ASCC3: variants seen among roughly 807,000 people sequenced by gnomAD.
ASCC3 encodes ASC-1 complex subunit P200.
ASCC3 carries 158 observed loss-of-function variants against 256.3 expected under a neutral mutation model. That is an observed-to-expected ratio of 0.62 (90% CI 0.54 to 0.70). ASCC3 has a LOEUF of 0.70. ASCC3 is among the 30% of genes least tolerant of loss of function. ASCC3 has a pLI of 0.00. For missense variants in ASCC3, 2,259 were observed against 2,626.0 expected (o/e 0.86, Z 3.05); for synonymous variants, 948 against 883.4 (o/e 1.07, Z -1.30).
At chr6:100,571,522 T>C (rs1770592506) in intron 36 of ASCC3, among the ~76,000 whole-genome samples, 1 of 152,232 alleles carries the variant, frequency 6.6e-6, no homozygotes, top group African/African-American at 2.4e-5. Context: ...CCTCCATGGC[T>C]GGAATATAAT....
At chr6:100,614,467 G>C (rs370882619) in intron 30 of ASCC3, among the ~76,000 whole-genome samples, 1 of 152,084 alleles carries the variant, frequency 6.6e-6, no homozygotes. Context: ...TATCTTAAAC[G>C]TATTAACACA....
intron 36 of ASCC3, among the ~76,000 whole-genome samples, chr6:100,543,325 T>A (rs139670420): frequency 1.3e-4 from 20 of 152,286 alleles, no homozygotes; most frequent in African/African-American, 2.4e-4. Context: ...GCCATTTTTT[T>A]ATGAATATTT....
intron 4 of ASCC3, among the ~76,000 whole-genome samples, chr6:100,812,762 T>A (rs1057318530): frequency 3.3e-5 from 5 of 152,002 alleles, no homozygotes; most frequent in Non-Finnish European, 5.9e-5. Flanking sequence ...AGACTCCGTC[T>A]CTCCAAAAAA....
intron 4 of ASCC3, among the ~76,000 whole-genome samples, chr6:100,806,841 G>A (rs546967141): frequency 1.1e-4 from 17 of 151,724 alleles, no homozygotes; most frequent in Non-Finnish European, 1.9e-4. Context: ...TAATTCTATT[G>A]GCCAGTACTT....
intron 21 of ASCC3, 59 bp from the exon 22 acceptor site, chr6:100,646,828 T>C: frequency 6.5e-7 from 1 of 1,533,600 alleles, no homozygotes; most frequent in Non-Finnish European, 9.0e-7. Flanking sequence ...CAATATAATC[T>C]GACTTGTAAA....
chr6:100,581,287 G>C (rs894821879), intron 36 of ASCC3, among the ~76,000 whole-genome samples: 2 of 152,142 alleles, frequency 1.3e-5, no homozygotes, highest in African/African-American at 4.8e-5. Context: ...ACTGGTGTGA[G>C]ATGGTATCTC....
intron 14 of ASCC3, among the ~76,000 whole-genome samples, chr6:100,671,380 T>C (rs562171632): frequency 3.3e-5 from 5 of 152,188 alleles, no homozygotes; most frequent in Non-Finnish European, 5.9e-5. Context: ...AGAGATATAC[T>C]TTATCTTGTT....
In ASCC3 at chr6:100,540,246, G is replaced by A. The variant is rs1453159825; in HGVS notation, c.5692C>T (p.His1898Tyr). The change falls in exon 37 of 42, where the codon CAT becomes TAT. Residue 1898 changes from histidine (H) to tyrosine (Y), a missense_variant. His to Tyr is a moderately conservative substitution (Grantham distance 83). Coordinates refer to ENST00000369162, the MANE Select transcript of ASCC3 (RefSeq NM_006828.4). The stretch of plus-strand genomic sequence containing the variant: ...CAGGGTAGCATGGCTCGGCTGAGAT[G>A]TGCCTGTAGCAGGAGATGTGCTTTG... ...HTKAHLLLQAHLSRAMLPCPD... is the reference protein window; with the variant it reads ...HTKAHLLLQAYLSRAMLPCPD... 1.2e-6 allele frequency: 2 copies of A among 1,614,126 alleles called. No individual in the cohort carries two copies. The highest frequency in any genetic ancestry group is 1.3e-5 in the African/African-American group (1 of 75,026).
At chr6:100,714,145 C>T (rs941242263) in intron 13 of ASCC3, among the ~76,000 whole-genome samples, 1 of 152,134 alleles carries the variant, frequency 6.6e-6, no homozygotes, top group Non-Finnish European at 1.5e-5. Context: ...TCCATAGCCG[C>T]TTTCATGCTA....
intron 4 of ASCC3, among the ~76,000 whole-genome samples, chr6:100,807,435 C>G (rs565289774): frequency 6.6e-6 from 1 of 151,742 alleles, no homozygotes; most frequent in Non-Finnish European, 1.5e-5. Context: ...AATTATCCAT[C>G]AACAAAGTAT....
intron 5 of ASCC3, among the ~76,000 whole-genome samples, chr6:100,800,857 A>C (rs1445286581): frequency 6.6e-6 from 1 of 151,454 alleles, no homozygotes; most frequent in East Asian, 1.9e-4. Flanking sequence ...ATTATCGATA[A>C]TAATTAGCAT....
At chr6:100,860,800 T>C (rs1330440345) in intron 3 of ASCC3, among the ~76,000 whole-genome samples, 1 of 152,086 alleles carries the variant, frequency 6.6e-6, no homozygotes, top group Non-Finnish European at 1.5e-5. Flanking sequence ...GTACGCACTA[T>C]TCAGGAAATT....
rs1054679154 is a variant in ASCC3, at chr6:100,692,937, G to C, written c.2152-13185C>G. On this transcript the variant is annotated intron_variant, in intron 13 of 41. Transcript: ENST00000369162. ...TATAAAATAAAATTATTAGGGACCTGATCAGAAGATGTTAAAAATATGATT... is the reference window on the plus strand; with the variant it reads ...TATAAAATAAAATTATTAGGGACCTCATCAGAAGATGTTAAAAATATGATT... Among the ~76,000 whole-genome samples the C allele has an allele frequency of 9.9e-5, 15 of 151,940 alleles. No homozygotes were observed. In the South Asian group the frequency reaches 2.7e-3, roughly 27 times the overall value.
intron 33 of ASCC3, 58 bp from the exon 34 acceptor site, chr6:100,601,993 A>G: frequency 6.4e-7 from 1 of 1,572,322 alleles, no homozygotes; most frequent in South Asian, 1.1e-5. Flanking sequence ...AAACACTGAA[A>G]TTTATCTCAC....
intron 10 of ASCC3, among the ~76,000 whole-genome samples, chr6:100,753,210 T>C (rs1276504670): frequency 3.3e-5 from 5 of 151,976 alleles, no homozygotes; most frequent in Non-Finnish European, 7.4e-5. Context: ...TTCATGTAAA[T>C]TGAAATTAGA....
rs767176527 is a variant in ASCC3, at chr6:100,652,860, T to C, written c.2853A>G (p.Glu951=). The C allele has an allele frequency of 3.1e-6, 5 of 1,613,930 alleles. No homozygotes were observed. Among genetic ancestry groups the C allele is most frequent in the South Asian group, 1.1e-5 (1 of 91,080 alleles). ...QIDPTLRKHR[E]QLVIEVGRKL... ...TTCGTCCAACTTCAATGACCAACTGTTCTCGATGCTTTCTTAATGTTGGGT... is the reference window on the plus strand; with the variant it reads ...TTCGTCCAACTTCAATGACCAACTGCTCTCGATGCTTTCTTAATGTTGGGT... Residue 951 remains glutamate (E), a synonymous_variant, in exon 18 of 42, where the codon GAA becomes GAG. Coordinates refer to ENST00000369162, the MANE Select transcript of ASCC3 (RefSeq NM_006828.4).
In ASCC3 at chr6:100,767,439, A is replaced by T. The variant is rs186354354; in HGVS notation, c.1396-94T>A. 1,335 of 1,289,538 alleles carry T rather than the reference A, an allele frequency of 1.0e-3. 1 individual carries two copies. Among genetic ancestry groups the T allele is most frequent in the African/African-American group, 7.7e-3 (525 of 67,902 alleles). 79.9% of individuals were successfully genotyped at this position (1,289,538 alleles called of 1,614,324 possible). ...TTAACATTTATTTCCTTTGTTTTTT[A>T]AAAAAAAGACTAATTTGTACTTTCA... is the stretch of plus-strand genomic sequence containing the variant. On this transcript the variant is annotated intron_variant, in intron 8 of 41. Transcript: ENST00000369162.
At chr6:100,662,115 T>C (rs1776249711) in intron 15 of ASCC3, 85 bp from the exon 16 acceptor site, 12 of 1,345,658 alleles carry the variant, frequency 8.9e-6, no homozygotes, top group Non-Finnish European at 1.1e-5. Flanking sequence ...TAGGCAAATA[T>C]GGCAAGATCT....
chr6:100,574,742 A>G (rs1770770656), intron 36 of ASCC3, among the ~76,000 whole-genome samples: 1 of 152,026 alleles, frequency 6.6e-6, no homozygotes, highest in African/African-American at 2.4e-5. Context: ...TAGTATTACA[A>G]ATACATTTTA....
Sources: gnomAD v4.1 joint callset for allele counts (sites outside exome capture counted in the v4.1 genomes callset) on GRCh38, gnomAD v4.1.1 for gene constraint, MANE v1.5 for transcripts, NCBI Gene and HGNC (gene_info 2026-07-23, HGNC 2026-07-21) for gene names.